Variants in SPMIP4 observed in about 807,000 individuals in gnomAD.
SPMIP4 encodes the protein sperm microtubule inner protein 4, also known as sperm-associated microtubule inner protein 4.
the SPMIP4 span, among the ~76,000 whole-genome samples, chr7:25,160,733 C>A: frequency 1.3e-5 from 2 of 152,032 alleles, no homozygotes; most frequent in Admixed American, 1.3e-4. Flanking sequence ...GTATGCCTTA[C>A]GTTAAAAATA....
the SPMIP4 span, among the ~76,000 whole-genome samples, chr7:25,157,474 A>G: frequency 6.6e-6 from 1 of 152,190 alleles, no homozygotes. Context: ...AGTCAGGGTT[A>G]ACATCACCAG....
the SPMIP4 span, among the ~76,000 whole-genome samples, chr7:25,157,636 T>C: frequency 6.6e-6 from 1 of 152,112 alleles, no homozygotes; most frequent in Admixed American, 6.5e-5. Flanking sequence ...CTACAAAATA[T>C]CTAACCAATA....
chr7:25,166,853 C>T, the SPMIP4 span, among the ~76,000 whole-genome samples: 1 of 152,118 alleles, frequency 6.6e-6, no homozygotes, highest in Non-Finnish European at 1.5e-5. Flanking sequence ...TGAGATCATG[C>T]CACTGCACTC....
chr7:25,179,531 A>G, the SPMIP4 span: 1 of 397,634 alleles, frequency 2.5e-6, no homozygotes, highest in Non-Finnish European at 4.4e-6. Context: ...AAATCCACAA[A>G]GTGGACGGTG....
the SPMIP4 span, chr7:25,136,648 T>C: frequency 1.2e-6 from 2 of 1,613,970 alleles, no homozygotes; most frequent in Non-Finnish European, 1.7e-6. This position sits in a 1 kb window ranked among gnomAD's most constrained non-coding sequence, Gnocchi z 5.7. Context: ...GGTATGAAAA[T>C]TACACAAAAC....
chr7:25,163,460 C>T, the SPMIP4 span, among the ~76,000 whole-genome samples: 17 of 152,312 alleles, frequency 1.1e-4, no homozygotes, highest in South Asian at 4.1e-4. The surrounding 1 kb of genome is among the most constrained non-coding windows in gnomAD (Gnocchi z 4.4). Context: ...TAGAGAAACA[C>T]GCCATTGAGT....
chr7:25,134,968 C>A, the SPMIP4 span: 1 of 984,430 alleles, frequency 1.0e-6, no homozygotes. Context: ...AATTCTCTAA[C>A]TTTAGCCCAG....
chr7:25,155,135 G>A, the SPMIP4 span: 16 of 1,611,408 alleles, frequency 9.9e-6, no homozygotes, highest in East Asian at 4.5e-5. Context: ...GGAACATGGC[G>A]CCGCGACAGA....
the SPMIP4 span, among the ~76,000 whole-genome samples, chr7:25,140,709 T>C: frequency 6.6e-6 from 1 of 151,794 alleles, no homozygotes; most frequent in Non-Finnish European, 1.5e-5. Flanking sequence ...TGCCTCAGCC[T>C]CCAGAGTAGC....
At chr7:25,142,466 C>A in the SPMIP4 span, 2 of 835,094 alleles carry the variant, frequency 2.4e-6, no homozygotes, top group South Asian at 3.8e-5. Context: ...AACCCTACCT[C>A]CCAGCTACCT....
the SPMIP4 span, chr7:25,136,483 G>A: frequency 6.2e-7 from 1 of 1,614,178 alleles, no homozygotes; most frequent in African/African-American, 1.3e-5. The surrounding 1 kb of genome is among the most constrained non-coding windows in gnomAD (Gnocchi z 5.7). Flanking sequence ...ATAAATGCTA[G>A]TTAGGTCTTT....
the SPMIP4 span, among the ~76,000 whole-genome samples, chr7:25,148,763 T>G: frequency 6.6e-6 from 1 of 152,196 alleles, no homozygotes. Context: ...ATTACAGGCG[T>G]GAGCCACTGC....
the SPMIP4 span, among the ~76,000 whole-genome samples, chr7:25,164,604 G>A: frequency 1.3e-5 from 2 of 152,184 alleles, no homozygotes; most frequent in Non-Finnish European, 2.9e-5. Flanking sequence ...AATAGGTAGT[G>A]AAGGAAGGAA....
chr7:25,169,801 C>A, the SPMIP4 span, among the ~76,000 whole-genome samples: 1 of 152,140 alleles, frequency 6.6e-6, no homozygotes, highest in Non-Finnish European at 1.5e-5. Flanking sequence ...GTTTTGAACT[C>A]CTGACCTCAG....
the SPMIP4 span, among the ~76,000 whole-genome samples, chr7:25,146,146 CAGAG>C: frequency 6.0e-5 from 9 of 149,780 alleles, no homozygotes; most frequent in South Asian, 2.1e-4. Flanking sequence ...GGAATGAAGA[CAGAG>C]AGAGAGAGAG....
the SPMIP4 span, chr7:25,142,542 A>T: frequency 1.8e-6 from 2 of 1,128,854 alleles, no homozygotes; most frequent in African/African-American, 3.2e-5. Flanking sequence ...ATACTTTGAG[A>T]AAAAGGCAAA....
At chr7:25,134,373 AACAC>A in the SPMIP4 span, among the ~76,000 whole-genome samples, 5 of 151,870 alleles carry the variant, frequency 3.3e-5, no homozygotes, top group Admixed American at 1.3e-4. Flanking sequence ...AAAAACAAAA[AACAC>A]ACACACACAA....
the SPMIP4 span, among the ~76,000 whole-genome samples, chr7:25,175,918 T>C: frequency 6.6e-6 from 1 of 152,152 alleles, no homozygotes. Flanking sequence ...TGGCTGCTTT[T>C]TAAGAGGGGG....
At chr7:25,164,565 AGGT>A in the SPMIP4 span, among the ~76,000 whole-genome samples, 1 of 152,218 alleles carries the variant, frequency 6.6e-6, no homozygotes. Context: ...CTACCAGCTC[AGGT>A]ATTTGCTGAG....
Sources: gnomAD v4.1 joint callset for allele counts (sites outside exome capture counted in the v4.1 genomes callset) on GRCh38, gnomAD v4.1.1 for gene constraint, Gnocchi (gnomAD v3.1) non-coding constraint, MANE v1.5 for transcripts, NCBI Gene and HGNC (gene_info 2026-07-23, HGNC 2026-07-21) for gene names.